PRKCE: variants seen among roughly 807,000 people sequenced by gnomAD.
PRKCE encodes the protein protein kinase C epsilon type.
In PRKCE, 16 loss-of-function variants were observed where a neutral mutation model predicts 85.4. The observed-to-expected ratio is 0.19, with a 90% CI of 0.13 to 0.28. The LOEUF (loss-of-function observed/expected upper bound fraction) is 0.28, where lower values mean the gene tolerates loss of function less well. PRKCE is among the 10% of genes least tolerant of loss of function. The pLI is 1.00. For synonymous variants in PRKCE, 388 were observed against 371.5 expected, an observed-to-expected ratio of 1.04 and a Z score of -0.51; for missense variants, 573 against 975.2, an observed-to-expected ratio of 0.59 and a Z score of 5.49.
At chr2:45,743,986 C>T (rs1383165105) in intron 1 of PRKCE, among the ~76,000 whole-genome samples, 2 of 103,294 alleles carry the variant, frequency 1.9e-5, no homozygotes, top group African/African-American at 4.1e-5. Flanking sequence ...TAGATTTGGC[C>T]GTTGTGTGTT....
In PRKCE at chr2:46,021,040, A is replaced by G. The variant is rs188512810; in HGVS notation, c.1437+10523A>G. Among the ~76,000 whole-genome samples, 16 of 151,960 alleles carry G rather than the reference A, an allele frequency of 1.1e-4. No homozygotes were observed. In the East Asian group the frequency reaches 3.1e-3, roughly 29 times the overall value. ...GTTAAGTGATAAAGCTGGGATCCCC[A>G]CCTTTGCCTCCTGGGGGTGAGAAGG... is the stretch of plus-strand genomic sequence containing the variant. On this transcript the variant is annotated intron_variant, in intron 10 of 14. Transcript: ENST00000306156.
chr2:46,133,534 T>A (rs1429786852), intron 11 of PRKCE, among the ~76,000 whole-genome samples: 2 of 152,208 alleles, frequency 1.3e-5, no homozygotes, highest in Non-Finnish European at 2.9e-5. Context: ...TAGGGGCAAG[T>A]AGTCAATGAA....
At chr2:46,091,674 C>T (rs780849538) in intron 11 of PRKCE, among the ~76,000 whole-genome samples, 9 of 152,128 alleles carry the variant, frequency 5.9e-5, no homozygotes, top group Admixed American at 2.0e-4. Context: ...CTCACAAAGT[C>T]GTAGGGATTT....
Position 45,652,475 on chromosome 2 carries a change from C to T in PRKCE, c.348+27C>T, listed in dbSNP as rs1213557891. 6 of 1,566,296 alleles carry T rather than the reference C, an allele frequency of 3.8e-6. No individual in the cohort carries two copies. Among genetic ancestry groups the T allele is most frequent in the Non-Finnish European group, 5.2e-6 (6 of 1,156,088 alleles). On this transcript the variant is annotated intron_variant, in intron 1 of 14. Transcript: ENST00000306156. This position sits in a 1 kb window ranked among gnomAD's most constrained non-coding sequence, Gnocchi z 7.7. ...TGAGTGCGGCGCCTCCCCGTCATTC[C>T]GGGAACCCGGTTGTGGGGTCCCGGG...
chr2:46,137,467 T>C (rs1185638168), intron 11 of PRKCE, among the ~76,000 whole-genome samples: 1 of 151,984 alleles, frequency 6.6e-6, no homozygotes, highest in African/African-American at 2.4e-5. Context: ...AGTCAGTTTG[T>C]TTGCTGGGCA....
At chr2:45,900,496 T>C (rs797007072) in intron 2 of PRKCE, among the ~76,000 whole-genome samples, 4 of 152,350 alleles carry the variant, frequency 2.6e-5, no homozygotes, top group African/African-American at 9.6e-5. Context: ...CATTATGCTA[T>C]GTAAAATAAG....
At chr2:45,896,691 T>C (rs1445900797) in intron 2 of PRKCE, among the ~76,000 whole-genome samples, 33 of 152,354 alleles carry the variant, frequency 2.2e-4, no homozygotes, top group Non-Finnish European at 7.3e-5. Context: ...ACATATGCAG[T>C]TGGCAAATAA....
intron 1 of PRKCE, among the ~76,000 whole-genome samples, chr2:45,655,175 G>C (rs1241193200): frequency 6.6e-6 from 1 of 152,152 alleles, no homozygotes; most frequent in Non-Finnish European, 1.5e-5. Context: ...AGAGGAAAAT[G>C]AGGCCCTGGG....
At chr2:46,111,168 G>T (rs1031473245) in intron 11 of PRKCE, among the ~76,000 whole-genome samples, 11 of 141,502 alleles carry the variant, frequency 7.8e-5, no homozygotes, top group African/African-American at 2.5e-4. Context: ...TATGTTATTG[G>T]ATGGCTATTT....
At position 45,686,286 on chromosome 2, in the gene PRKCE, C is replaced by T. The variant is rs529780344; in HGVS notation, c.348+33838C>T. On this transcript the variant is annotated intron_variant, in intron 1 of 14. Coordinates refer to ENST00000306156, the MANE Select transcript of PRKCE (RefSeq NM_005400.3). Reference sequence around the variant, plus strand: ...TTAATTGTCTTCCTTTCTCTTCTTCCGTAAGGGTTTGCAGAATACAGAGCT... The same window carrying T: ...TTAATTGTCTTCCTTTCTCTTCTTCTGTAAGGGTTTGCAGAATACAGAGCT... 9 of 152,230 alleles carry T rather than the reference C, an allele frequency of 5.9e-5. No individual in the cohort carries two copies. The South Asian group carries it at 1.2e-3, about 21-fold the overall frequency. 9.4% of individuals were successfully genotyped at this position (152,230 alleles called of 1,614,324 possible). A position where few individuals can be genotyped will look rare whatever the true frequency, so the allele number is the denominator to read the frequency against.
intron 2 of PRKCE, among the ~76,000 whole-genome samples, chr2:45,883,226 C>T (rs1695011588): frequency 1.3e-5 from 2 of 152,216 alleles, no homozygotes; most frequent in Non-Finnish European, 2.9e-5. Flanking sequence ...TTGAATAGAG[C>T]CAAGTATGGA....
intron 1 of PRKCE, among the ~76,000 whole-genome samples, chr2:45,837,931 A>G (rs970785337): frequency 2.6e-5 from 4 of 152,208 alleles, no homozygotes; most frequent in Non-Finnish European, 5.9e-5. Context: ...AGAAATGAAT[A>G]AATGAATGCG....
chr2:45,914,329 A>G (rs551781961), intron 2 of PRKCE, among the ~76,000 whole-genome samples: 1 of 152,340 alleles, frequency 6.6e-6, no homozygotes, highest in South Asian at 2.1e-4. Flanking sequence ...GGAACACCAG[A>G]GGCAGGGATG....
intron 1 of PRKCE, among the ~76,000 whole-genome samples, chr2:45,710,961 C>G (rs1679579087): frequency 6.6e-6 from 1 of 152,202 alleles, no homozygotes; most frequent in Non-Finnish European, 1.5e-5. Context: ...AAAATCCAGC[C>G]AGGCAAAAAC....
intron 11 of PRKCE, among the ~76,000 whole-genome samples, chr2:46,113,200 A>G (rs190948784): frequency 2.6e-5 from 4 of 152,358 alleles, no homozygotes; most frequent in African/African-American, 9.6e-5. Context: ...CCCTAAATAC[A>G]TAGTTCTGAC....
At chr2:45,670,645 A>T (rs570305739) in intron 1 of PRKCE, among the ~76,000 whole-genome samples, 1 of 152,234 alleles carries the variant, frequency 6.6e-6, no homozygotes, top group South Asian at 2.1e-4. Context: ...TGGAGAAAAG[A>T]AAGTAAAGAG....
intron 2 of PRKCE, among the ~76,000 whole-genome samples, chr2:45,920,438 AC>A (rs1383230642): frequency 1.3e-5 from 2 of 152,250 alleles, no homozygotes; most frequent in Non-Finnish European, 2.9e-5. Context: ...GAATGAAAAC[AC>A]AGAGACCTGT....
chr2:45,803,035 AT>A (rs531342654), intron 1 of PRKCE, among the ~76,000 whole-genome samples: 1 of 152,196 alleles, frequency 6.6e-6, no homozygotes, highest in Non-Finnish European at 1.5e-5. Context: ...ATAGACACGT[AT>A]TTTTTTAAGC....
chr2:45,679,338 C>G (rs1297622311), intron 1 of PRKCE, among the ~76,000 whole-genome samples: 1 of 152,162 alleles, frequency 6.6e-6, no homozygotes, highest in Admixed American at 6.5e-5. Flanking sequence ...AAGAGCTATA[C>G]TGGAGAAAGC....
Sources: gnomAD v4.1 joint callset for allele counts (sites outside exome capture counted in the v4.1 genomes callset) on GRCh38, gnomAD v4.1.1 for gene constraint, Gnocchi (gnomAD v3.1) non-coding constraint, MANE v1.5 for transcripts, NCBI Gene and HGNC (gene_info 2026-07-23, HGNC 2026-07-21) for gene names.